Variants in MPP4 observed in about 807,000 individuals in gnomAD.
MPP4 encodes the protein MAGUK p55 scaffold protein 4.
MPP4 carries 91 observed loss-of-function variants against 98.3 expected under a neutral mutation model. The ratio of observed to expected loss-of-function variants is 0.93; its 90% CI spans 0.78 to 1.10. MPP4 has a LOEUF of 1.10. Among genes scored for constraint, MPP4 ranks in the 50% least tolerant of loss-of-function variants. The probability of loss-of-function intolerance (pLI) is 0.00; values close to 1 mark genes in which losing one functional copy is unlikely to be tolerated. For missense variants in MPP4, 744 were observed against 792.9 expected (o/e 0.94, Z 0.74); for synonymous variants, 261 against 271.8 (o/e 0.96, Z 0.39).
chr2:201,653,813 T>TA (rs549779668), intron 18 of MPP4, among the ~76,000 whole-genome samples: 2 of 151,002 alleles, frequency 1.3e-5, no homozygotes, highest in Non-Finnish European at 3.0e-5. Context: ...TGTTAAAGCT[T>TA]AAAAAAAAAC....
At chr2:201,683,138 C>T (rs1438085997) in intron 7 of MPP4, among the ~76,000 whole-genome samples, 2 of 150,992 alleles carry the variant, frequency 1.3e-5, no homozygotes, top group East Asian at 3.9e-4. Context: ...TTGGCATTGA[C>T]TTATGGTCAT....
chr2:201,648,305 C>T (rs1687621872), intron 20 of MPP4, among the ~76,000 whole-genome samples: 1 of 152,182 alleles, frequency 6.6e-6, no homozygotes, highest in Admixed American at 6.5e-5. Flanking sequence ...GCATGAGCCA[C>T]TGCACCTGAT....
chr2:201,659,200 C>T (rs1456699062), intron 15 of MPP4, among the ~76,000 whole-genome samples: 1 of 106,490 alleles, frequency 9.4e-6, no homozygotes. Context: ...TGTTCTTGAC[C>T]ATACTGTGTT....
rs137865579 is a variant in MPP4 at position 201,662,245 on chromosome 2, A to C, written c.1072+1836T>G. 2.9e-3 allele frequency among the ~76,000 whole-genome samples: 433 copies of C among 149,884 alleles called. 5 individuals carry two copies. Among genetic ancestry groups the C allele is most frequent in the African/African-American group, 0.01 (413 of 41,218 alleles). On this transcript the variant is annotated intron_variant, in intron 14 of 21. Coordinates refer to ENST00000409474, the MANE Select transcript of MPP4 (RefSeq NM_033066.3). ...AAGTAATTTATATTTTAAAATATATATATATTTTAAAAGTATATATATACA... is the reference window on the plus strand; with the variant it reads ...AAGTAATTTATATTTTAAAATATATCTATATTTTAAAAGTATATATATACA...
At chr2:201,682,971 A>C in intron 7 of MPP4, 55 bp from the exon 8 acceptor site, 2 of 1,376,390 alleles carry the variant, frequency 1.5e-6, no homozygotes, top group Non-Finnish European at 2.1e-6. Context: ...GGATAAAAAT[A>C]GCAGTAGCTA....
chr2:201,690,909 C>T (rs1003588150), intron 3 of MPP4, among the ~76,000 whole-genome samples: 1 of 152,220 alleles, frequency 6.6e-6, no homozygotes, highest in African/African-American at 2.4e-5. Context: ...GGGCTGAGGA[C>T]ACCAAAGCCT....
chr2:201,659,754 A>G (rs531304342), intron 15 of MPP4, among the ~76,000 whole-genome samples: 1 of 152,332 alleles, frequency 6.6e-6, no homozygotes, highest in South Asian at 2.1e-4. Context: ...GAATCACTTG[A>G]ACTTGGGAGA....
chr2:201,678,807 C>T (rs538272368), intron 10 of MPP4, among the ~76,000 whole-genome samples: 1 of 152,226 alleles, frequency 6.6e-6, no homozygotes, highest in East Asian at 1.9e-4. Flanking sequence ...TGAACATCAT[C>T]CCACTACTTT....
intron 13 of MPP4, 196 bp downstream of exon 13, chr2:201,666,138 T>C (rs1688168272): frequency 4.4e-6 from 2 of 456,394 alleles, no homozygotes; most frequent in African/African-American, 4.1e-5. Context: ...AGTAGATCAG[T>C]GGGAACCTGG....
intron 9 of MPP4, among the ~76,000 whole-genome samples, 172 bp downstream of exon 9, chr2:201,681,324 T>C (rs189132692): frequency 6.6e-6 from 1 of 152,338 alleles, no homozygotes; most frequent in East Asian, 1.9e-4. Context: ...CTCCTTGTAC[T>C]GTACTCATTT....
intron 21 of MPP4, among the ~76,000 whole-genome samples, chr2:201,645,832 A>C (rs1687546433): frequency 6.6e-6 from 1 of 152,138 alleles, no homozygotes; most frequent in African/African-American, 2.4e-5. Flanking sequence ...TGTAGAGAAA[A>C]TATAATTATT....
intron 21 of MPP4, among the ~76,000 whole-genome samples, chr2:201,646,004 A>C (rs1220137050): frequency 6.6e-6 from 1 of 152,186 alleles, no homozygotes; most frequent in East Asian, 1.9e-4. Context: ...AAAAGACTGA[A>C]GTTTTTATTT....
At chr2:201,695,081 G>A (rs1399583264) in intron 1 of MPP4, among the ~76,000 whole-genome samples, 1 of 152,136 alleles carries the variant, frequency 6.6e-6, no homozygotes, top group Non-Finnish European at 1.5e-5. Context: ...TTGTTCGTGT[G>A]AAAGTTCAGA....
At chr2:201,659,636 C>A (rs966725694) in intron 15 of MPP4, among the ~76,000 whole-genome samples, 6 of 152,092 alleles carry the variant, frequency 3.9e-5, no homozygotes, top group Non-Finnish European at 7.3e-5. Context: ...AGTTCGAGAC[C>A]AGCCTACCCA....
intron 1 of MPP4, among the ~76,000 whole-genome samples, chr2:201,696,275 C>T (rs1208069): frequency 0.051 from 7,767 of 152,274 alleles, 214 homozygotes; most frequent in Middle Eastern, 0.088. Flanking sequence ...AATGCGTTTT[C>T]CTGTGTTCTG....
intron 13 of MPP4, chr2:201,664,402 G>C: frequency 3.4e-5 from 37 of 1,091,298 alleles, no homozygotes; most frequent in Non-Finnish European, 4.4e-5. Context: ...AGAGGGAAGG[G>C]GAAAGTGGAA....
chr2:201,674,350 T>G (rs1050657282), intron 11 of MPP4, among the ~76,000 whole-genome samples: 1 of 152,108 alleles, frequency 6.6e-6, no homozygotes. Flanking sequence ...CCCTTCTAAA[T>G]CCAAAGAAGG....
At chr2:201,662,892 G>A (rs1264474377) in intron 14 of MPP4, among the ~76,000 whole-genome samples, 1 of 152,112 alleles carries the variant, frequency 6.6e-6, no homozygotes, top group Non-Finnish European at 1.5e-5. Context: ...CAGGTTTGCA[G>A]TTTAAAAATA....
chr2:201,651,192 T>C, intron 18 of MPP4: 4 of 985,422 alleles, frequency 4.1e-6, no homozygotes, highest in Non-Finnish European at 4.8e-6. Flanking sequence ...TATCAATACA[T>C]GGAAATGATC....
Sources: allele counts gnomAD v4.1 joint callset (sites outside exome capture counted in the v4.1 genomes callset), GRCh38; gene constraint gnomAD v4.1.1; transcripts MANE v1.5; gene names NCBI Gene and HGNC (gene_info 2026-07-23, HGNC 2026-07-21).